Variants in MGAM2 observed in about 807,000 individuals in gnomAD.
MGAM2 encodes the protein maltase-glucoamylase 2 (putative).
Under a neutral mutation model 96.1 loss-of-function variants are expected in MGAM2, and 98 were observed. The ratio of observed to expected loss-of-function variants is 1.02; its 90% CI spans 0.87 to 1.21. The LOEUF (loss-of-function observed/expected upper bound fraction) is 1.21, where lower values mean the gene tolerates loss of function less well. Among genes scored for constraint, MGAM2 ranks in the 50% most tolerant of loss-of-function variants. MGAM2 has a pLI of 0.00. For missense variants in MGAM2, 2,055 were observed against 1,182.4 expected (o/e 1.74, Z -10.82); for synonymous variants, 749 against 414.8 (o/e 1.81, Z -9.79).
chr7:142,211,046 C>T (rs780519784), intron 46 of MGAM2, among the ~76,000 whole-genome samples: 5 of 152,222 alleles, frequency 3.3e-5, no homozygotes, highest in Non-Finnish European at 7.3e-5. Flanking sequence ...CCCAGGCAAA[C>T]ATGGTCTGGA....
intron 3 of MGAM2, among the ~76,000 whole-genome samples, chr7:142,129,660 A>G (rs1218908552): frequency 6.6e-6 from 1 of 151,606 alleles, no homozygotes; most frequent in Non-Finnish European, 1.5e-5. Flanking sequence ...CCCTGTCTCT[A>G]CTAAAAATAC....
At chr7:142,125,290 C>T (rs1019364048) in intron 3 of MGAM2, among the ~76,000 whole-genome samples, 2 of 152,126 alleles carry the variant, frequency 1.3e-5, no homozygotes, top group African/African-American at 4.8e-5. Context: ...GAAATCCCTG[C>T]ATCAAATGAA....
At chr7:142,167,608 T>A in intron 26 of MGAM2, 122 bp downstream of exon 26, 1 of 631,470 alleles carries the variant, frequency 1.6e-6, no homozygotes, top group Non-Finnish European at 2.9e-6. Flanking sequence ...GATCTCCCAC[T>A]GACACCCAGG....
intron 37 of MGAM2, among the ~76,000 whole-genome samples, chr7:142,195,493 A>G (rs1022526513): frequency 6.1e-5 from 9 of 147,562 alleles, no homozygotes; most frequent in Non-Finnish European, 1.3e-4. Context: ...GGTAGCTGGG[A>G]TTAGAGGTAT....
intron 3 of MGAM2, among the ~76,000 whole-genome samples, chr7:142,130,280 C>T (rs1339503059): frequency 6.6e-6 from 1 of 152,136 alleles, no homozygotes; most frequent in Non-Finnish European, 1.5e-5. Flanking sequence ...ACTTTGCTTA[C>T]TTTTTGGAAA....
chr7:142,164,358 G>C (rs1795970367), intron 23 of MGAM2, among the ~76,000 whole-genome samples: 1 of 152,096 alleles, frequency 6.6e-6, no homozygotes, highest in African/African-American at 2.4e-5. Flanking sequence ...CAACCTCATA[G>C]CCTGCCGTGA....
intron 39 of MGAM2, 29 bp from the exon 40 acceptor site, chr7:142,196,671 C>T (rs1797049681): frequency 1.3e-6 from 1 of 769,402 alleles, no homozygotes; most frequent in South Asian, 1.4e-5. Context: ...GAAATTCCCA[C>T]CTCATGCTCT....
chr7:142,171,753 G>T (rs1162790323), intron 28 of MGAM2, among the ~76,000 whole-genome samples: 1 of 148,066 alleles, frequency 6.8e-6, no homozygotes, highest in Non-Finnish European at 1.5e-5. Flanking sequence ...TACTTGTCAG[G>T]CACATTGCTA....
chr7:142,148,527 T>C lies in MGAM2; in HGVS notation c.1634+954T>C, dbSNP rs1258620968. 1.3e-5 allele frequency among the ~76,000 whole-genome samples: 2 copies of C among 152,234 alleles called. No homozygotes were observed. The highest frequency in any genetic ancestry group is 1.3e-4 in the Admixed American group (2 of 15,286). On this transcript the variant is annotated intron_variant, in intron 15 of 47. Transcript: ENST00000477922. This position sits in a 1 kb window ranked among gnomAD's most constrained non-coding sequence, Gnocchi z 4.2. ...TCTGCAAATCATAACATCCTTTATATCTTGTCATGTAGATTGTTTACTTGT... is the reference window on the plus strand; with the variant it reads ...TCTGCAAATCATAACATCCTTTATACCTTGTCATGTAGATTGTTTACTTGT...
rs151245265 is a variant in MGAM2, at chr7:142,161,754, C to A, written c.2435-201C>A. On this transcript the variant is annotated intron_variant, in intron 22 of 47. Transcript: ENST00000477922. Reference sequence around the variant, plus strand: ...CAAATCAAAATGTTTTACATGCCAGCGAAATGGTACCACAGACTGACATGT... The same window carrying A: ...CAAATCAAAATGTTTTACATGCCAGAGAAATGGTACCACAGACTGACATGT... 5.1e-3 allele frequency among the ~76,000 whole-genome samples: 773 copies of A among 152,154 alleles called. 3 individuals carry two copies. Among genetic ancestry groups the A allele is most frequent in the Middle Eastern group, 0.01 (3 of 294 alleles).
chr7:142,154,480 A>G (rs1389223494), intron 16 of MGAM2, among the ~76,000 whole-genome samples: 1 of 152,214 alleles, frequency 6.6e-6, no homozygotes, highest in Non-Finnish European at 1.5e-5. Context: ...ATAAGAAAGT[A>G]TGAAATTGGG....
rs1796230566 is a variant in MGAM2 at position 142,172,596 on chromosome 7, A to C, written c.3449-56A>C. 1.1e-5 allele frequency: 7 copies of C among 634,906 alleles called. 1 individual carries two copies. The highest frequency in any genetic ancestry group is 9.1e-5 in the South Asian group (5 of 54,916). 39.3% of individuals were successfully genotyped at this position (634,906 alleles called of 1,614,324 possible). On this transcript the variant is annotated intron_variant, in intron 29 of 47. Coordinates refer to ENST00000477922, the MANE Select transcript of MGAM2 (RefSeq NM_001293626.2). Reference sequence around the variant, plus strand: ...AAGCAAATCTTAGAGCAGGTTTTCTATCTGGGCAATTTACAACTCCAAGGA... The same window carrying C: ...AAGCAAATCTTAGAGCAGGTTTTCTCTCTGGGCAATTTACAACTCCAAGGA...
chr7:142,169,251 G>A (rs778206367), intron 26 of MGAM2, among the ~76,000 whole-genome samples: 9 of 151,998 alleles, frequency 5.9e-5, no homozygotes, highest in South Asian at 2.1e-4. Context: ...GTAAAACCCC[G>A]TCCCTACTAA....
intron 23 of MGAM2, 130 bp downstream of exon 23, chr7:142,162,134 G>A (rs558875280): frequency 2.0e-6 from 1 of 487,846 alleles, no homozygotes; most frequent in East Asian, 3.4e-5. Flanking sequence ...TTCCAAAAAG[G>A]AATCAAATGA....
intron 35 of MGAM2, among the ~76,000 whole-genome samples, chr7:142,186,590 CCAGT>C (rs1420494738): frequency 1.3e-5 from 2 of 152,178 alleles, no homozygotes; most frequent in South Asian, 2.1e-4. Flanking sequence ...GCTGTAAATG[CCAGT>C]TGGCCTTAAA....
intron 45 of MGAM2, among the ~76,000 whole-genome samples, chr7:142,203,555 A>G (rs892668548): frequency 2.6e-5 from 4 of 152,160 alleles, no homozygotes; most frequent in African/African-American, 4.8e-5. Flanking sequence ...AATCCTAAGC[A>G]AAAAGAAGAA....
intron 7 of MGAM2, among the ~76,000 whole-genome samples, chr7:142,135,066 T>G (rs549200592): frequency 1.4e-3 from 209 of 151,924 alleles, no homozygotes; most frequent in Admixed American, 2.7e-3. Flanking sequence ...TCTTGAAGCC[T>G]CCATTGTGCT....
In MGAM2 at chr7:142,175,723, C is replaced by T. The variant is rs1244905416; in HGVS notation, c.3759C>T (p.Asn1253=). The T allele has an allele frequency of 1.4e-6, 1 of 702,728 alleles. No homozygotes were observed. Among genetic ancestry groups the T allele is most frequent in the Non-Finnish European group, 2.6e-6 (1 of 384,982 alleles). The allele number at this position is 702,728 out of a possible 1,614,324, so 43.5% of individuals were successfully genotyped here. A position where few individuals can be genotyped will look rare whatever the true frequency, so the allele number is the denominator to read the frequency against. Residue 1253 remains asparagine (N), a synonymous_variant, in exon 32 of 48, where the codon AAC becomes AAT. Transcript: ENST00000477922. ...LDFTLSANFQ[N]LSLLIEQMKK... ...TCACCCTCAGTGCCAACTTTCAAAACCTCAGTCTTCTGATTGAGCAAATGA... is the reference window on the plus strand; with the variant it reads ...TCACCCTCAGTGCCAACTTTCAAAATCTCAGTCTTCTGATTGAGCAAATGA...
At chr7:142,200,118 C>T in intron 45 of MGAM2, 150 bp downstream of exon 45, 1 of 477,878 alleles carries the variant, frequency 2.1e-6, no homozygotes. Flanking sequence ...CTTTTGCCTG[C>T]TCATTTATAT....
Sources: allele counts gnomAD v4.1 joint callset (sites outside exome capture counted in the v4.1 genomes callset), GRCh38; gene constraint gnomAD v4.1.1; non-coding constraint Gnocchi (gnomAD v3.1); transcripts MANE v1.5; gene names NCBI Gene and HGNC (gene_info 2026-07-23, HGNC 2026-07-21).